SERHL2: variants seen among roughly 807,000 people sequenced by gnomAD.
SERHL2 encodes serine hydrolase-like protein 2.
Under a neutral mutation model 25.5 loss-of-function variants are expected in SERHL2, and 29 were observed. The observed-to-expected ratio is 1.14, with a 90% CI of 0.85 to 1.55. The LOEUF (loss-of-function observed/expected upper bound fraction) is 1.55, where lower values mean the gene tolerates loss of function less well. Ranked by LOEUF, SERHL2 falls within the 40% of genes most tolerant of loss-of-function variation. The pLI is 0.00. For missense variants in SERHL2, 240 were observed against 252.3 expected, an observed-to-expected ratio of 0.95 and a Z score of 0.33; for synonymous variants, 95 against 103.5, an observed-to-expected ratio of 0.92 and a Z score of 0.50.
intron 9 of SERHL2, among the ~76,000 whole-genome samples, chr22:42,566,835 G>C (rs528205508): frequency 2.0e-5 from 3 of 152,272 alleles, no homozygotes; most frequent in African/African-American, 7.2e-5. Context: ...CTGGAGGCCT[G>C]TGTCACTGGA....
chr22:42,572,418 C>T lies in SERHL2; in HGVS notation c.732-18C>T, dbSNP rs142638456. ...TTCTAAGATGAACCCCAACAACCCCCAACTCCTCACTTTCCAGAGCAGTCC... is the reference window on the plus strand; with the variant it reads ...TTCTAAGATGAACCCCAACAACCCCTAACTCCTCACTTTCCAGAGCAGTCC... On this transcript the variant is annotated intron_variant, in intron 10 of 11. Coordinates refer to ENST00000327678, the MANE Select transcript of SERHL2 (RefSeq NM_014509.5). 6,273 of 1,592,062 alleles carry T rather than the reference C, an allele frequency of 3.9e-3. 52 individuals carry two copies. The highest frequency in any genetic ancestry group is 6.0e-3 in the Middle Eastern group (36 of 6,028).
Position 42,562,281 on chromosome 22 carries a change from G to GGGAT in SERHL2, c.613+2017_613+2020dup, listed in dbSNP as rs200843287. Among the ~76,000 whole-genome samples, 1,005 of 151,916 alleles carry GGGAT rather than the reference G, an allele frequency of 6.6e-3. 5 individuals are homozygous for GGGAT. Among genetic ancestry groups the GGGAT allele is most frequent in the African/African-American group, 0.024 (976 of 41,470 alleles). Reference sequence around the variant, plus strand: ...GAGAGTTCACATTCTATTCTGAACTGGGATAACTTCCCTTCCCTGCCCCCA... The same window carrying GGGAT: ...GAGAGTTCACATTCTATTCTGAACTGGGATGGATAACTTCCCTTCCCTGCCCCCA... On this transcript the variant is annotated intron_variant, in intron 8 of 11. Transcript: ENST00000327678.
rs1481299594 is a variant in SERHL2, at chr22:42,574,028, C to A, written c.918C>A (p.Cys306Ter). ...VASIISSFLQ[C>*]THMLPAQL is the part of the protein sequence containing the mutation. ...GTATCATCAGCTCCTTCTTACAGTG[C>A]ACACACATGCTCCCAGCCCAGCTGT... The change falls in exon 12 of 12, where the codon TGC becomes TGA. Residue 306 changes from cysteine (C) to a stop codon, truncating the protein, a stop_gained. Coordinates refer to ENST00000327678, the MANE Select transcript of SERHL2 (RefSeq NM_014509.5). LOFTEE classifies it low-confidence loss of function (END_TRUNC). The A allele has an allele frequency of 1.9e-6, 3 of 1,612,448 alleles. No homozygotes were observed. Among genetic ancestry groups the A allele is most frequent in the Middle Eastern group, 3.3e-4 (2 of 6,076 alleles).
intron 1 of SERHL2, 140 bp downstream of exon 1, chr22:42,554,182 G>C: frequency 9.2e-7 from 1 of 1,086,948 alleles, no homozygotes; most frequent in Non-Finnish European, 1.3e-6. Flanking sequence ...GCAGTCCCGG[G>C]GCATGAGAGC....
At chr22:42,570,512 C>T (rs994696297) in intron 9 of SERHL2, among the ~76,000 whole-genome samples, 8 of 152,186 alleles carry the variant, frequency 5.3e-5, no homozygotes, top group African/African-American at 1.9e-4. Context: ...CATTATTTTG[C>T]ATGCTAAGTT....
chr22:42,560,180 C>T lies in SERHL2; in HGVS notation c.534-6C>T. 1.2e-6 allele frequency: 2 copies of T among 1,609,462 alleles called. No individual in the cohort carries two copies. Among genetic ancestry groups the T allele is most frequent in the Non-Finnish European group, 1.7e-6 (2 of 1,176,070 alleles). On this transcript the variant is annotated splice_polypyrimidine_tract_variant and splice_region_variant and intron_variant, in intron 7 of 11. Coordinates refer to ENST00000327678, the MANE Select transcript of SERHL2 (RefSeq NM_014509.5). Reference sequence around the variant, plus strand: ...AGGCACCCAGCATCCTTCTGTCTCCCCCCAGGTTACTGAAGAGCAATAGCC... The same window carrying T: ...AGGCACCCAGCATCCTTCTGTCTCCTCCCAGGTTACTGAAGAGCAATAGCC...
intron 6 of SERHL2, among the ~76,000 whole-genome samples, chr22:42,556,892 A>G (rs922278666): frequency 1.3e-5 from 1 of 78,220 alleles, no homozygotes; most frequent in Non-Finnish European, 2.3e-5. Context: ...CATGGGTGGA[A>G]GATGTTCTAG....
chr22:42,566,685 C>T lies in SERHL2; in HGVS notation c.648+347C>T, dbSNP rs545328447. Among the ~76,000 whole-genome samples, 10 of 152,136 alleles carry T rather than the reference C, an allele frequency of 6.6e-5. No individual in the cohort carries two copies. In the South Asian group the frequency reaches 2.1e-3, roughly 32 times the overall value. The stretch of plus-strand genomic sequence containing the variant: ...GGAGGTGAGGAGAGGAGGGAGACAT[C>T]CCAGGCACTGGCTGCTGCACAGGGA... On this transcript the variant is annotated intron_variant, in intron 9 of 11. Coordinates refer to ENST00000327678, the MANE Select transcript of SERHL2 (RefSeq NM_014509.5).
At chr22:42,565,360 C>T (rs564098571) in intron 8 of SERHL2, 5 of 150,140 alleles carry the variant, frequency 3.3e-5, no homozygotes, top group African/African-American at 1.2e-4. Context: ...GAGTCTCACT[C>T]TGTCACCTGG....
intron 7 of SERHL2, among the ~76,000 whole-genome samples, chr22:42,559,071 A>G (rs1262439505): frequency 1.2e-5 from 1 of 84,130 alleles, no homozygotes; most frequent in Non-Finnish European, 2.1e-5. Context: ...CCACACACAC[A>G]CACCCTGCCG....
chr22:42,559,952 C>G (rs972590174), intron 7 of SERHL2, among the ~76,000 whole-genome samples: 1 of 151,804 alleles, frequency 6.6e-6, no homozygotes, highest in South Asian at 2.1e-4. Flanking sequence ...GCTGGGATTA[C>G]AGGCACATGC....
In SERHL2 at chr22:42,571,117, G is replaced by A. The variant is rs776057839; in HGVS notation, c.649-4G>A. 2 of 1,613,364 alleles carry A rather than the reference G, an allele frequency of 1.2e-6. No homozygotes were observed. Among genetic ancestry groups the A allele is most frequent in the South Asian group, 2.2e-5 (2 of 91,076 alleles). On this transcript the variant is annotated splice_region_variant and splice_polypyrimidine_tract_variant and intron_variant, in intron 9 of 11. Transcript: ENST00000327678. ...GAGAATTCACCATGTTTTTGTCTCT[G>A]CAGGCAGAGAACAGCATTGACTTCA...
chr22:42,572,950 G>A (rs1350846420), intron 11 of SERHL2, among the ~76,000 whole-genome samples: 3 of 151,814 alleles, frequency 2.0e-5, no homozygotes, highest in Admixed American at 6.6e-5. Flanking sequence ...TTTTGTAGAT[G>A]GGAGCCACCA....
intron 8 of SERHL2, among the ~76,000 whole-genome samples, chr22:42,560,815 A>T (rs986845549): frequency 5.3e-5 from 8 of 151,878 alleles, no homozygotes; most frequent in African/African-American, 1.9e-4. Context: ...GGCTCACTGC[A>T]GCCTCCACCT....
intron 8 of SERHL2, chr22:42,563,371 T>G (rs1321428135): frequency 9.7e-6 from 4 of 413,084 alleles, no homozygotes; most frequent in South Asian, 6.9e-5. Context: ...CCTGGCTAAT[T>G]TTTGTATTTT....
At chr22:42,561,412 G>T (rs1330529230) in intron 8 of SERHL2, among the ~76,000 whole-genome samples, 1 of 151,332 alleles carries the variant, frequency 6.6e-6, no homozygotes, top group Non-Finnish European at 1.5e-5. Context: ...ATTGGACCAG[G>T]TGAGGTGGGC....
chr22:42,570,528 A>G (rs1488478843), intron 9 of SERHL2, among the ~76,000 whole-genome samples: 1 of 152,226 alleles, frequency 6.6e-6, no homozygotes, highest in African/African-American at 2.4e-5. Flanking sequence ...AAGTTTTCCA[A>G]ATCCAGCTTC....
At chr22:42,559,519 G>C (rs1922401395) in intron 7 of SERHL2, among the ~76,000 whole-genome samples, 1 of 151,730 alleles carries the variant, frequency 6.6e-6, no homozygotes, top group African/African-American at 2.4e-5. Context: ...GGCTAAGATG[G>C]TGAAACCCTG....
At position 42,556,570 on chromosome 22, in the gene SERHL2, C is replaced by CT. The variant is rs771119016; in HGVS notation, c.408dup (p.Leu137SerfsTer6). 1.9e-6 allele frequency: 3 copies of CT among 1,605,062 alleles called. No individual in the cohort carries two copies. Among genetic ancestry groups the CT allele is most frequent in the African/African-American group, 2.7e-5 (2 of 74,710 alleles). ...AACTTATCTTGCTGGACACGCCGCT[C>CT]TTTCTCCTGGAATCAGATGTGAGAA... On this transcript the variant is annotated frameshift_variant, in exon 6 of 12. Coordinates refer to ENST00000327678, the MANE Select transcript of SERHL2 (RefSeq NM_014509.5). LOFTEE classifies it high-confidence loss of function.
Sources: allele counts gnomAD v4.1 joint callset (sites outside exome capture counted in the v4.1 genomes callset), GRCh38; gene constraint gnomAD v4.1.1; transcripts MANE v1.5; gene names NCBI Gene and HGNC (gene_info 2026-07-23, HGNC 2026-07-21).